TRAPPC13: variants seen among roughly 807,000 people sequenced by gnomAD.
TRAPPC13 encodes the protein REV7-interacting novel NHEJ regulator 1.
TRAPPC13 carries 39 observed loss-of-function variants against 54.0 expected under a neutral mutation model. The observed-to-expected ratio is 0.72, with a 90% CI of 0.56 to 0.94. TRAPPC13 has a LOEUF of 0.94. TRAPPC13 is among the 40% of genes least tolerant of loss of function. The pLI, the probability that TRAPPC13 is intolerant of heterozygous loss-of-function variation, is 0.00. For missense variants in TRAPPC13, 386 were observed against 488.1 expected, an observed-to-expected ratio of 0.79 and a Z score of 1.97; for synonymous variants, 148 against 167.7, an observed-to-expected ratio of 0.88 and a Z score of 0.91.
intron 1 of TRAPPC13, chr5:65,629,697 G>C (rs892357474): frequency 6.5e-7 from 1 of 1,536,030 alleles, no homozygotes; most frequent in African/African-American, 1.4e-5. Context: ...CCGCTATCAA[G>C]ATTTATACCT....
chr5:65,658,251 C>A, intron 8 of TRAPPC13, 117 bp from the exon 9 acceptor site: 3 of 983,288 alleles, frequency 3.1e-6, no homozygotes, highest in Non-Finnish European at 4.3e-6. Flanking sequence ...GATTTGCAGG[C>A]ATGAACTAAT....
At chr5:65,630,183 C>A (rs1475177775) in intron 1 of TRAPPC13, 1 of 1,535,976 alleles carries the variant, frequency 6.5e-7, no homozygotes, top group Non-Finnish European at 8.7e-7. Context: ...GAACTTCCAT[C>A]TTGTAATGCT....
Position 65,665,958 on chromosome 5 carries a change from C to T in TRAPPC13, c.*1347C>T, listed in dbSNP as rs954770256. On this transcript the variant is annotated 3_prime_UTR_variant, in exon 13 of 13. Coordinates refer to ENST00000399438, the MANE Select transcript of TRAPPC13 (RefSeq NM_024941.4). ...TTTTCAATGCATCATTATTTATTGC[C>T]ATAACAAATTGTTTGGTCCAAAATG... 17 of 152,550 alleles carry T rather than the reference C, an allele frequency of 1.1e-4. No individual in the cohort carries two copies. Among genetic ancestry groups the T allele is most frequent in the African/African-American group, 4.1e-4 (17 of 41,544 alleles). The allele number at this position is 152,550 out of a possible 1,614,324, so 9.4% of individuals were successfully genotyped here. A position where few individuals can be genotyped will look rare whatever the true frequency, so the allele number is the denominator to read the frequency against.
At chr5:65,650,725 A>G (rs1425578935) in intron 5 of TRAPPC13, 85 bp from the exon 6 acceptor site, 1 of 1,129,128 alleles carries the variant, frequency 8.9e-7, no homozygotes. Flanking sequence ...GTGTTTTCCA[A>G]ATTTCTTAGT....
chr5:65,633,750 G>A (rs1755635564), intron 1 of TRAPPC13, among the ~76,000 whole-genome samples: 1 of 151,760 alleles, frequency 6.6e-6, no homozygotes, highest in Non-Finnish European at 1.5e-5. Flanking sequence ...TTACTCATTA[G>A]ACTATAATAA....
chr5:65,642,221 G>T (rs1376041862), intron 4 of TRAPPC13, among the ~76,000 whole-genome samples: 3 of 152,096 alleles, frequency 2.0e-5, no homozygotes, highest in Non-Finnish European at 2.9e-5. Flanking sequence ...TACTCAGGAG[G>T]CTGAGGCAGG....
chr5:65,649,191 G>T (rs888052256), intron 5 of TRAPPC13, among the ~76,000 whole-genome samples: 2 of 151,448 alleles, frequency 1.3e-5, no homozygotes, highest in Non-Finnish European at 2.9e-5. Flanking sequence ...TCTTCAGCCT[G>T]GGTGACACAG....
intron 5 of TRAPPC13, 77 bp from the exon 6 acceptor site, chr5:65,650,733 A>G (rs1370177731): frequency 8.5e-7 from 1 of 1,172,370 alleles, no homozygotes; most frequent in Non-Finnish European, 1.2e-6. Flanking sequence ...CAAATTTCTT[A>G]GTAGAATTGA....
rs770345061 is a variant in TRAPPC13 at position 65,650,803 on chromosome 5, G to C, written c.429-7G>C. ...CTCAGAATCGTTAAGACATCTTTCT[G>C]TTTCAGCTTGGTATGTGCTGTGAGT... On this transcript the variant is annotated splice_polypyrimidine_tract_variant and splice_region_variant and intron_variant, in intron 5 of 12. Coordinates refer to ENST00000399438, the MANE Select transcript of TRAPPC13 (RefSeq NM_024941.4). 1 of 1,610,806 alleles carries C rather than the reference G, an allele frequency of 6.2e-7. No homozygotes were observed. The highest frequency in any genetic ancestry group is 1.7e-5 in the Admixed American group (1 of 59,696).
At chr5:65,662,339 G>A (rs1220632587) in intron 11 of TRAPPC13, 189 bp downstream of exon 11, 1 of 444,746 alleles carries the variant, frequency 2.2e-6, no homozygotes, top group Non-Finnish European at 4.0e-6. Context: ...AGGGCCTATT[G>A]TATTATGCAT....
At chr5:65,629,855 C>G in intron 1 of TRAPPC13, 1 of 1,535,994 alleles carries the variant, frequency 6.5e-7, no homozygotes, top group Non-Finnish European at 8.7e-7. Context: ...CACAGTAGAT[C>G]TATTGGAGTT....
intron 7 of TRAPPC13, among the ~76,000 whole-genome samples, chr5:65,655,349 A>G (rs1007827834): frequency 2.6e-5 from 4 of 152,216 alleles, no homozygotes; most frequent in Non-Finnish European, 5.9e-5. Context: ...GTCATGGGGT[A>G]TACCTCTCTG....
rs183698182 is a variant in TRAPPC13, at chr5:65,656,218, A to G, written c.564+565A>G. 5.0e-4 allele frequency among the ~76,000 whole-genome samples: 76 copies of G among 152,350 alleles called. 1 individual carries two copies. Among genetic ancestry groups the G allele is most frequent in the Middle Eastern group, 3.4e-3 (1 of 294 alleles). ...ATGTAATAACATCAACTGCCTTAGC[A>G]CTGAATTCTTAATTTTTAAAATATC... is the stretch of plus-strand genomic sequence containing the variant. On this transcript the variant is annotated intron_variant, in intron 8 of 12. Coordinates refer to ENST00000399438, the MANE Select transcript of TRAPPC13 (RefSeq NM_024941.4).
intron 1 of TRAPPC13, among the ~76,000 whole-genome samples, chr5:65,633,538 G>A (rs1465079678): frequency 6.6e-6 from 1 of 152,122 alleles, no homozygotes; most frequent in Non-Finnish European, 1.5e-5. Flanking sequence ...AAAGTGCTGG[G>A]ATTACAGGCA....
Position 65,658,869 on chromosome 5 carries a change from G to A in TRAPPC13, c.698+368G>A, listed in dbSNP as rs1756748444. Among the ~76,000 whole-genome samples, 3 of 152,064 alleles carry A rather than the reference G, an allele frequency of 2.0e-5. No homozygotes were observed. The South Asian group carries it at 6.2e-4, about 32-fold the overall frequency. On this transcript the variant is annotated intron_variant, in intron 9 of 12. Coordinates refer to ENST00000399438, the MANE Select transcript of TRAPPC13 (RefSeq NM_024941.4). ...CAAGCTGCTGGGATTACAGGTGCAT[G>A]CCACCACGCTTGGTTAATTTTTTTA...
At chr5:65,649,337 C>T (rs927570993) in intron 5 of TRAPPC13, among the ~76,000 whole-genome samples, 1 of 152,102 alleles carries the variant, frequency 6.6e-6, no homozygotes, top group African/African-American at 2.4e-5. Flanking sequence ...CAGAGATGAA[C>T]ACCTTAATGT....
chr5:65,648,888 A>G (rs2150681111), intron 5 of TRAPPC13, among the ~76,000 whole-genome samples: 1 of 152,230 alleles, frequency 6.6e-6, no homozygotes, highest in South Asian at 2.1e-4. Context: ...CAGTGTGAAC[A>G]TTTTCACACA....
intron 11 of TRAPPC13, chr5:65,662,385 A>G (rs1242857178): frequency 1.2e-5 from 4 of 330,470 alleles, no homozygotes; most frequent in African/African-American, 8.6e-5. Context: ...GTCACACCCT[A>G]TGAGGTAGGT....
At chr5:65,652,024 C>G (rs1756477490) in intron 6 of TRAPPC13, among the ~76,000 whole-genome samples, 1 of 151,918 alleles carries the variant, frequency 6.6e-6, no homozygotes, top group South Asian at 2.1e-4. Context: ...CCACCACGCC[C>G]AGTTAATTTT....
Sources: allele counts gnomAD v4.1 joint callset (sites outside exome capture counted in the v4.1 genomes callset), GRCh38; gene constraint gnomAD v4.1.1; transcripts MANE v1.5; gene names NCBI Gene and HGNC (gene_info 2026-07-23, HGNC 2026-07-21).